The following CDH18 variants were observed in gnomAD, a reference collection of about 807,000 sequenced individuals.
The protein encoded by CDH18 is cadherin-18.
In CDH18, 31 loss-of-function variants were observed where a neutral mutation model predicts 67.9. The observed-to-expected ratio is 0.46, with a 90% confidence interval of 0.34 to 0.62. The LOEUF is 0.62. Among genes scored for constraint, CDH18 ranks in the 20% least tolerant of loss-of-function variants. The probability of loss-of-function intolerance (pLI) is 0.01; values close to 1 mark genes in which losing one functional copy is unlikely to be tolerated. For missense variants in CDH18, 890 were observed against 975.5 expected (o/e 0.91, Z 1.17); for synonymous variants, 362 against 347.2 (o/e 1.04, Z -0.48).
chr5:20,280,576 A>G (rs1746179505), intron 1 of CDH18, among the ~76,000 whole-genome samples: 1 of 152,148 alleles, frequency 6.6e-6, no homozygotes, highest in African/African-American at 2.4e-5. Context: ...CATGGTGTAT[A>G]TGTGCCACAT....
intron 2 of CDH18, among the ~76,000 whole-genome samples, chr5:20,194,348 C>T (rs899180405): frequency 2.0e-5 from 3 of 152,020 alleles, no homozygotes; most frequent in Non-Finnish European, 4.4e-5. Context: ...TGTCTTGACT[C>T]GAACTGTGGG....
At chr5:19,793,288 T>TA (rs1476646366) in intron 3 of CDH18, among the ~76,000 whole-genome samples, 2 of 152,268 alleles carry the variant, frequency 1.3e-5, no homozygotes, top group Non-Finnish European at 2.9e-5. Context: ...TAAACTAATG[T>TA]AGTCACCAGT....
intron 2 of CDH18, among the ~76,000 whole-genome samples, chr5:19,918,410 A>G (rs929839980): frequency 6.6e-6 from 1 of 152,206 alleles, no homozygotes; most frequent in Non-Finnish European, 1.5e-5. Flanking sequence ...CTTATCATAC[A>G]TAGAACCTTT....
chr5:20,400,478 A>AAAAT lies in CDH18; in HGVS notation c.-579-144977_-579-144974dup, dbSNP rs527243013. Among the ~76,000 whole-genome samples the AAAAT allele has an allele frequency of 7.8e-3, 1,181 of 151,698 alleles. 19 individuals are homozygous for AAAAT. Among genetic ancestry groups the AAAAT allele is most frequent in the African/African-American group, 0.026 (1,085 of 41,270 alleles). On this transcript the variant is annotated intron_variant, in intron 1 of 14. Transcript: ENST00000507958. Reference sequence around the variant, plus strand: ...GGGCAACAGAGCAAGGCTTCATCTCAAAATAAATAAATAAATAAATAAATA... The same window carrying AAAAT: ...GGGCAACAGAGCAAGGCTTCATCTCAAAATAAATAAATAAATAAATAAATAAATA...
rs147024570 is a variant in CDH18 at position 20,485,355 on chromosome 5, A to G, written c.-580+90107T>C. ...TGTTTATTGGTCATTCAAAGAACTA[A>G]CACACTTCTAACAAAAGGGACAGGA... is the stretch of plus-strand genomic sequence containing the variant. On this transcript the variant is annotated intron_variant, in intron 1 of 14. Transcript: ENST00000507958. Among the ~76,000 whole-genome samples, 596 of 152,284 alleles carry G rather than the reference A, an allele frequency of 3.9e-3. 5 individuals are homozygous for G. Among genetic ancestry groups the G allele is most frequent in the African/African-American group, 0.014 (569 of 41,572 alleles).
chr5:20,340,510 G>A (rs1740167051), intron 1 of CDH18, among the ~76,000 whole-genome samples: 1 of 152,192 alleles, frequency 6.6e-6, no homozygotes, highest in Non-Finnish European at 1.5e-5. Context: ...GCAGCAAAAG[G>A]AAGTCTCCTT....
intron 2 of CDH18, among the ~76,000 whole-genome samples, chr5:20,203,835 T>C (rs1331929597): frequency 6.6e-6 from 1 of 151,958 alleles, no homozygotes; most frequent in East Asian, 1.9e-4. Flanking sequence ...TAATTTAAAA[T>C]AGCTGTTTTA....
intron 1 of CDH18, among the ~76,000 whole-genome samples, chr5:20,289,718 G>C (rs1258233086): frequency 3.3e-5 from 5 of 151,762 alleles, no homozygotes; most frequent in East Asian, 3.9e-4. Context: ...TATTTTAATT[G>C]CTTACATTTA....
chr5:20,537,757 A>AT (rs1377334734), intron 1 of CDH18, among the ~76,000 whole-genome samples: 1 of 76,898 alleles, frequency 1.3e-5, no homozygotes, highest in African/African-American at 4.4e-5. Context: ...AAAAAACTAG[A>AT]GGAAAAAAGT....
At chr5:20,172,198 A>ATATATATATATG (rs1736791098) in intron 2 of CDH18, among the ~76,000 whole-genome samples, 1 of 46,486 alleles carries the variant, frequency 2.2e-5, no homozygotes, top group Non-Finnish European at 3.9e-5. Context: ...GTGTATATAT[A>ATATATATATATG]TATATATATA....
chr5:19,633,732 C>T (rs1752726017), intron 5 of CDH18, among the ~76,000 whole-genome samples: 1 of 151,968 alleles, frequency 6.6e-6, no homozygotes, highest in South Asian at 2.1e-4. Flanking sequence ...CAGGCTCAAG[C>T]GATCCTCCCA....
At chr5:20,512,169 G>A (rs1755077257) in intron 1 of CDH18, among the ~76,000 whole-genome samples, 1 of 152,060 alleles carries the variant, frequency 6.6e-6, no homozygotes, top group Non-Finnish European at 1.5e-5. Context: ...GTTGCAGTAG[G>A]CCGAGATCAG....
At chr5:20,474,474 C>T (rs1347064586) in intron 1 of CDH18, among the ~76,000 whole-genome samples, 1 of 152,118 alleles carries the variant, frequency 6.6e-6, no homozygotes, top group Non-Finnish European at 1.5e-5. Context: ...CTGCTCCCGG[C>T]CTATGCTGGC....
At chr5:20,425,487 T>C (rs1748233303) in intron 1 of CDH18, among the ~76,000 whole-genome samples, 1 of 151,168 alleles carries the variant, frequency 6.6e-6, no homozygotes, top group Non-Finnish European at 1.5e-5. Flanking sequence ...TATATAGTCA[T>C]GTAAATTAAA....
intron 1 of CDH18, among the ~76,000 whole-genome samples, chr5:20,338,226 T>A (rs1739951472): frequency 6.6e-6 from 1 of 152,238 alleles, no homozygotes; most frequent in Non-Finnish European, 1.5e-5. Flanking sequence ...GTCCAATGAA[T>A]TTAAGCAGCA....
intron 5 of CDH18, among the ~76,000 whole-genome samples, chr5:19,625,856 A>C (rs983221245): frequency 3.9e-5 from 6 of 152,064 alleles, no homozygotes; most frequent in African/African-American, 1.4e-4. Context: ...CTTGGGATTC[A>C]AACAACGAGG....
At chr5:19,955,229 T>C (rs971613912) in intron 2 of CDH18, among the ~76,000 whole-genome samples, 11 of 152,110 alleles carry the variant, frequency 7.2e-5, no homozygotes, top group Admixed American at 6.6e-4. Flanking sequence ...TAAATCTCTT[T>C]CCTTCATAAA....
intron 2 of CDH18, among the ~76,000 whole-genome samples, chr5:19,887,889 G>C (rs949607175): frequency 1.3e-5 from 2 of 151,884 alleles, no homozygotes; most frequent in African/African-American, 4.8e-5. Context: ...TTTTGTATAT[G>C]GTGTGAGACA....
At chr5:20,493,356 T>TAAAA (rs148292031) in intron 1 of CDH18, among the ~76,000 whole-genome samples, 7,019 of 47,064 alleles carry the variant, frequency 0.15, 744 homozygotes, top group East Asian at 0.24. Flanking sequence ...TTCAGAAAAT[T>TAAAA]AAAAAAAAAA....
Sources: allele counts gnomAD v4.1 joint callset (sites outside exome capture counted in the v4.1 genomes callset), GRCh38; gene constraint gnomAD v4.1.1; transcripts MANE v1.5; gene names NCBI Gene and HGNC (gene_info 2026-07-23, HGNC 2026-07-21).